RRP12: variants seen among roughly 807,000 people sequenced by gnomAD.
RRP12 encodes RRP12-like protein.
A neutral mutation model predicts 157.3 loss-of-function variants in RRP12; 78 were observed. That is an observed-to-expected ratio of 0.50 (90% CI 0.41 to 0.60). The LOEUF (loss-of-function observed/expected upper bound fraction) is 0.60. Ranked by LOEUF, RRP12 falls within the 20% of genes least tolerant of loss-of-function variation. RRP12 has a pLI of 0.00. For missense variants in RRP12, 1,521 were observed against 1,679.9 expected (o/e 0.91, Z 1.65); for synonymous variants, 726 against 670.9 (o/e 1.08, Z -1.27).
chr10:97,372,528 C>T (rs914108142), intron 19 of RRP12, among the ~76,000 whole-genome samples: 3 of 152,210 alleles, frequency 2.0e-5, no homozygotes, highest in Non-Finnish European at 4.4e-5. Context: ...GGCAGTGTAT[C>T]TCCTGGGTCC....
rs895627389 is a variant in RRP12, at chr10:97,365,909, G to A, written c.3517+199C>T. 25 of 654,502 alleles carry A rather than the reference G, an allele frequency of 3.8e-5. No homozygotes were observed. In the African/African-American group the frequency reaches 4.4e-4, roughly 12 times the overall value. 40.5% of individuals were successfully genotyped at this position (654,502 alleles called of 1,614,324 possible). A position where few individuals can be genotyped will look rare whatever the true frequency, so the allele number is the denominator to read the frequency against. On this transcript the variant is annotated intron_variant, in intron 29 of 33. Transcript: ENST00000370992. ...CGATAGTTTCCTTTAAGTTAAATAT[G>A]TATTGTATAAATGGCTCGGTTACAA...
Position 97,380,841 on chromosome 10 carries a change from G to T in RRP12, c.1491C>A (p.Phe497Leu), listed in dbSNP as rs1844445756. ...WSSVLQLLCV[F>L]FEACGRQAHP... ...GGGCCTGTCTCCCACACGCCTCGAA[G>T]AAGACACACAGCAGCTGCAACACGG... The change falls in exon 13 of 34, where the codon TTC becomes TTA. Residue 497 changes from phenylalanine (F) to leucine (L), a missense_variant. By Grantham distance (22) the Phe-to-Leu change is conservative. Coordinates refer to ENST00000370992, the MANE Select transcript of RRP12 (RefSeq NM_015179.4). 6.2e-7 allele frequency: 1 copy of T among 1,614,186 alleles called. No homozygotes were observed. Among genetic ancestry groups the T allele is most frequent in the East Asian group, 2.2e-5 (1 of 44,882 alleles).
chr10:97,387,313 T>C (rs1399027318), intron 8 of RRP12, among the ~76,000 whole-genome samples: 1 of 151,716 alleles, frequency 6.6e-6, no homozygotes, highest in African/African-American at 2.4e-5. Context: ...CTTTTCTTTT[T>C]CTTTCCTTTT....
chr10:97,391,507 G>A (rs902621739), intron 4 of RRP12, among the ~76,000 whole-genome samples: 6 of 152,100 alleles, frequency 3.9e-5, no homozygotes, highest in Admixed American at 3.3e-4. Context: ...GGAGGTGGAG[G>A]GTGTGGTGAG....
In RRP12 at chr10:97,381,419, G is replaced by A. The variant is rs1425746165; in HGVS notation, c.1385C>T (p.Ser462Leu). ...ADIGSVTSSA[S>L]GPAQSVAKMF... is the part of the protein sequence containing the mutation. The stretch of plus-strand genomic sequence containing the variant: ...CTTGGCAACAGATTGGGCAGGGCCT[G>A]AGGCCGAGGAGGTCACGGAGCCAAT... The change falls in exon 12 of 34, where the codon TCA (serine) becomes TTA (leucine). Residue 462 changes from serine to leucine, a missense_variant. By Grantham distance (145) the Ser-to-Leu change is moderately radical. Coordinates refer to ENST00000370992, the MANE Select transcript of RRP12 (RefSeq NM_015179.4). 6 of 1,613,300 alleles carry A rather than the reference G, an allele frequency of 3.7e-6. No homozygotes were observed. Among genetic ancestry groups the A allele is most frequent in the South Asian group, 2.2e-5 (2 of 90,978 alleles).
Position 97,401,138 on chromosome 10 carries a change from G to C in RRP12, c.94C>G (p.Arg32Gly). The C allele has an allele frequency of 1.2e-6, 2 of 1,614,004 alleles. No homozygotes were observed. The highest frequency in any genetic ancestry group is 8.5e-7 in the Non-Finnish European group (1 of 1,179,996). The stretch of plus-strand genomic sequence containing the variant: ...CGGCTGCGGGCGGCCTGACGGTGGC[G>C]GCAGATGGCGGGGTTGCTGTCGCTG... ...HSSDSNPAIC[R>G]HRQAARSRFF... The change falls in exon 1 of 34, where the codon CGC becomes GGC. Residue 32 changes from arginine to glycine, a missense_variant. Coordinates refer to ENST00000370992, the MANE Select transcript of RRP12 (RefSeq NM_015179.4).
In RRP12 at chr10:97,388,279, G is replaced by A. The variant is rs1844694988; in HGVS notation, c.990C>T (p.Leu330=). 6.2e-7 allele frequency: 1 copy of A among 1,613,968 alleles called. No individual in the cohort carries two copies. Among genetic ancestry groups the A allele is most frequent in the Non-Finnish European group, 8.5e-7 (1 of 1,180,042 alleles). ...EGLVKSCSET[L]LRVMTLSHVL... is the part of the protein sequence containing the mutation. The stretch of plus-strand genomic sequence containing the variant: ...CATGGCTCAAGGTCATGACCCTGAG[G>A]AGAGTCTCACTGCAGCTCTTCACCA... Residue 330 remains leucine (L), a synonymous_variant, in exon 8 of 34, where the codon CTC becomes CTT. Coordinates refer to ENST00000370992, the MANE Select transcript of RRP12 (RefSeq NM_015179.4).
At chr10:97,379,926 A>G (rs1486501420) in intron 13 of RRP12, among the ~76,000 whole-genome samples, 156 bp from the exon 14 acceptor site, 1 of 152,212 alleles carries the variant, frequency 6.6e-6, no homozygotes, top group Non-Finnish European at 1.5e-5. Flanking sequence ...TGGTGACTGT[A>G]AAATCCCAGG....
rs1209750060 is a variant in RRP12, at chr10:97,369,437, A to G, written c.2943T>C (p.His981=). ...CGGGGACACTCACCACCAGCTGCACATGTTTGGCCAGGTGCGCCACGTCCA... is the reference window on the plus strand; with the variant it reads ...CGGGGACACTCACCACCAGCTGCACGTGTTTGGCCAGGTGCGCCACGTCCA... ...TVMDVAHLAK[H]VQLVMEAIGK... Residue 981 remains histidine (H), a synonymous_variant, in exon 25 of 34, where the codon CAT becomes CAC. Coordinates refer to ENST00000370992, the MANE Select transcript of RRP12 (RefSeq NM_015179.4). 3.7e-6 allele frequency: 6 copies of G among 1,611,836 alleles called. No homozygotes were observed. In the African/African-American group the frequency reaches 4.0e-5, roughly 11 times the overall value.
rs562247344 is a variant in RRP12 at position 97,391,470 on chromosome 10, C to T, written c.531-626G>A. 2.6e-5 allele frequency among the ~76,000 whole-genome samples: 4 copies of T among 152,266 alleles called. No individual in the cohort carries two copies. In the East Asian group the frequency reaches 7.7e-4, roughly 29 times the overall value. On this transcript the variant is annotated intron_variant, in intron 4 of 33. Transcript: ENST00000370992. ...CCTGTAATCCCAGCTACTTGGGAGG[C>T]CAAGGCAGGAGAATCACTTGAACCC...
At chr10:97,374,587 A>G (rs556087011) in intron 15 of RRP12, among the ~76,000 whole-genome samples, 217 of 151,950 alleles carry the variant, frequency 1.4e-3, no homozygotes, top group Non-Finnish European at 1.8e-3. Context: ...CCTGGCTAAC[A>G]TGGTGAAACC....
chr10:97,399,509 AT>A (rs1258524243), intron 2 of RRP12, among the ~76,000 whole-genome samples: 3 of 151,870 alleles, frequency 2.0e-5, no homozygotes, highest in Admixed American at 6.6e-5. Flanking sequence ...GAATTTTGAC[AT>A]TTTTTATTTC....
chr10:97,365,188 G>A (rs1157001948), intron 29 of RRP12, among the ~76,000 whole-genome samples: 1 of 151,990 alleles, frequency 6.6e-6, no homozygotes, highest in Non-Finnish European at 1.5e-5. Context: ...CTCCAGTTAG[G>A]AGGTGCAGTG....
In RRP12 at chr10:97,372,823, G is replaced by A; in HGVS notation, c.2182-20C>T. On this transcript the variant is annotated intron_variant, in intron 18 of 33. Coordinates refer to ENST00000370992, the MANE Select transcript of RRP12 (RefSeq NM_015179.4). Reference sequence around the variant, plus strand: ...CACCAACTTGTGGCCCCGAGGGAATGAGGAGAAGAGAGTCATTGGGGAGGA... The same window carrying A: ...CACCAACTTGTGGCCCCGAGGGAATAAGGAGAAGAGAGTCATTGGGGAGGA... The A allele has an allele frequency of 6.4e-7, 1 of 1,554,214 alleles. No individual in the cohort carries two copies. The highest frequency in any genetic ancestry group is 8.7e-7 in the Non-Finnish European group (1 of 1,147,594).
intron 10 of RRP12, 39 bp downstream of exon 10, chr10:97,385,127 C>G (rs1844590017): frequency 2.1e-6 from 3 of 1,422,466 alleles, no homozygotes; most frequent in Non-Finnish European, 2.0e-6. Context: ...ACCTCAACAG[C>G]CTGGACAGAG....
At chr10:97,377,369 T>G (rs1358538981) in intron 15 of RRP12, among the ~76,000 whole-genome samples, 1 of 142,702 alleles carries the variant, frequency 7.0e-6, no homozygotes, top group Non-Finnish European at 1.5e-5. Flanking sequence ...ATACAAGAAA[T>G]TTTTAAAAAG....
intron 2 of RRP12, among the ~76,000 whole-genome samples, chr10:97,397,155 G>A (rs1426864147): frequency 2.0e-5 from 3 of 151,854 alleles, no homozygotes; most frequent in Non-Finnish European, 4.4e-5. Context: ...TATTTTTGTT[G>A]TTGTTGTTGT....
Position 97,400,554 on chromosome 10 carries a change from G to A in RRP12, c.140-20C>T. ...TCCTTCCTGAGAGCCAGAGGCACAA[G>A]ATAAGGTCCAAGCCTCCTTTTGGTC... On this transcript the variant is annotated intron_variant, in intron 1 of 33. Coordinates refer to ENST00000370992, the MANE Select transcript of RRP12 (RefSeq NM_015179.4). 1 of 1,598,172 alleles carries A rather than the reference G, an allele frequency of 6.3e-7. No homozygotes were observed. The highest frequency in any genetic ancestry group is 8.6e-7 in the Non-Finnish European group (1 of 1,167,202).
intron 12 of RRP12, 66 bp from the exon 13 acceptor site, chr10:97,380,979 C>A: frequency 7.8e-7 from 1 of 1,286,396 alleles, no homozygotes; most frequent in South Asian, 1.2e-5. Flanking sequence ...CAGAGAAAGT[C>A]AACGGCCAGC....
Sources: allele counts gnomAD v4.1 joint callset (sites outside exome capture counted in the v4.1 genomes callset), GRCh38; gene constraint gnomAD v4.1.1; transcripts MANE v1.5; gene names NCBI Gene and HGNC (gene_info 2026-07-23, HGNC 2026-07-21).